The following LRRC4C variants were observed in gnomAD, a reference collection of about 807,000 sequenced individuals.
LRRC4C encodes the protein leucine-rich repeat-containing protein 4C.
A neutral mutation model predicts 33.6 loss-of-function variants in LRRC4C; 5 were observed. The observed-to-expected ratio is 0.15, with a 90% CI of 0.08 to 0.31. LRRC4C has a LOEUF of 0.31. Ranked by LOEUF, LRRC4C falls within the 10% of genes least tolerant of loss-of-function variation. The pLI is 1.00. For synonymous variants in LRRC4C, 329 were observed against 302.0 expected (o/e 1.09, Z -0.93); for missense variants, 560 against 796.7 (o/e 0.70, Z 3.58).
intron 3 of LRRC4C, among the ~76,000 whole-genome samples, chr11:40,521,415 T>C (rs909452702): frequency 1.3e-5 from 2 of 152,206 alleles, no homozygotes; most frequent in African/African-American, 4.8e-5. Context: ...TATAGTGCTA[T>C]GGATAGTTGC....
At chr11:41,022,485 G>T (rs1856054480) in intron 1 of LRRC4C, among the ~76,000 whole-genome samples, 1 of 151,738 alleles carries the variant, frequency 6.6e-6, no homozygotes, top group African/African-American at 2.4e-5. Flanking sequence ...GTCCATGATG[G>T]TTTACCTCAA....
intron 2 of LRRC4C, among the ~76,000 whole-genome samples, chr11:40,913,862 G>A (rs977234736): frequency 6.6e-6 from 1 of 151,832 alleles, no homozygotes; most frequent in Non-Finnish European, 1.5e-5. Context: ...ATGATAAAGG[G>A]GATATCACCA....
At chr11:41,408,215 T>C (rs577227283) in intron 1 of LRRC4C, among the ~76,000 whole-genome samples, 1 of 152,298 alleles carries the variant, frequency 6.6e-6, no homozygotes, top group Admixed American at 6.5e-5. Flanking sequence ...TCATAGTATT[T>C]GTTATTACAT....
intron 3 of LRRC4C, among the ~76,000 whole-genome samples, chr11:40,450,773 A>C (rs1223111966): frequency 6.6e-6 from 1 of 150,938 alleles, no homozygotes; most frequent in Non-Finnish European, 1.5e-5. Flanking sequence ...ATCCCTGAAA[A>C]TTAAAAAAAA....
At chr11:41,156,618 T>C in intron 1 of LRRC4C, among the ~76,000 whole-genome samples, 1 of 152,056 alleles carries the variant, frequency 6.6e-6, no homozygotes, top group South Asian at 2.1e-4. Flanking sequence ...AGAGCTTATA[T>C]TACAATGAAC....
chr11:40,368,412 AG>A (rs1948308360), intron 3 of LRRC4C, among the ~76,000 whole-genome samples: 1 of 152,140 alleles, frequency 6.6e-6, no homozygotes. Flanking sequence ...ATTTTCTCAT[AG>A]TACCATGAAC....
intron 2 of LRRC4C, among the ~76,000 whole-genome samples, chr11:40,928,070 T>TA (rs869284646): frequency 6.6e-6 from 1 of 152,038 alleles, no homozygotes; most frequent in Non-Finnish European, 1.5e-5. Flanking sequence ...TATTGTTTTT[T>TA]AAAAAACCCT....
chr11:41,015,981 G>A (rs1565303657), intron 1 of LRRC4C, among the ~76,000 whole-genome samples: 1 of 151,986 alleles, frequency 6.6e-6, no homozygotes. Flanking sequence ...GCTGCAGAGC[G>A]AGACTCCGAC....
intron 2 of LRRC4C, among the ~76,000 whole-genome samples, chr11:40,833,478 A>AT (rs1266641882): frequency 6.6e-6 from 1 of 152,080 alleles, no homozygotes; most frequent in Non-Finnish European, 1.5e-5. Flanking sequence ...TATCAATGAG[A>AT]TTTTTTTAAA....
chr11:40,462,106 C>T (rs904673020), intron 3 of LRRC4C, among the ~76,000 whole-genome samples: 2 of 151,946 alleles, frequency 1.3e-5, no homozygotes, highest in African/African-American at 4.8e-5. Flanking sequence ...TTGTAAATGG[C>T]CCCAAATGAA....
At chr11:40,438,845 T>TA (rs1951256079) in intron 3 of LRRC4C, among the ~76,000 whole-genome samples, 2 of 152,126 alleles carry the variant, frequency 1.3e-5, no homozygotes, top group African/African-American at 4.8e-5. Context: ...AAGTACTTTT[T>TA]ATCTGTATGC....
In LRRC4C at chr11:40,571,514, T is replaced by C. The variant is rs529905840; in HGVS notation, c.-270+76628A>G. On this transcript the variant is annotated intron_variant, in intron 3 of 6. Transcript: ENST00000528697. Reference sequence around the variant, plus strand: ...ACAAGATAAGGCTGGACAATTCAAGTGACTTATTCAAAGGAACCGTCTACA... The same window carrying C: ...ACAAGATAAGGCTGGACAATTCAAGCGACTTATTCAAAGGAACCGTCTACA... Among the ~76,000 whole-genome samples the C allele has an allele frequency of 3.2e-4, 48 of 152,218 alleles. 1 individual carries two copies. The highest frequency in any genetic ancestry group is 1.1e-3 in the African/African-American group (47 of 41,558).
At chr11:40,433,746 A>T (rs1319756293) in intron 3 of LRRC4C, among the ~76,000 whole-genome samples, 2 of 152,200 alleles carry the variant, frequency 1.3e-5, no homozygotes, top group African/African-American at 4.8e-5. Context: ...ATATATGTGT[A>T]AAAGGAAGTA....
intron 1 of LRRC4C, among the ~76,000 whole-genome samples, chr11:41,209,677 CT>C (rs1946742880): frequency 6.6e-6 from 1 of 151,366 alleles, no homozygotes; most frequent in African/African-American, 2.4e-5. Context: ...GAAAAAAAGA[CT>C]TTGGATTTGG....
At chr11:41,229,336 T>C (rs1187472177) in intron 1 of LRRC4C, among the ~76,000 whole-genome samples, 1 of 152,124 alleles carries the variant, frequency 6.6e-6, no homozygotes, top group East Asian at 1.9e-4. Flanking sequence ...ATTTGGATCT[T>C]AGACTTCTAG....
chr11:40,241,354 C>T (rs959337433), intron 5 of LRRC4C, among the ~76,000 whole-genome samples, 165 bp downstream of exon 5: 1 of 152,000 alleles, frequency 6.6e-6, no homozygotes, highest in Non-Finnish European at 1.5e-5. Context: ...TGCACTTCAG[C>T]CTTGGCAACA....
chr11:41,211,558 C>A (rs1305147116), intron 1 of LRRC4C, among the ~76,000 whole-genome samples: 5 of 152,098 alleles, frequency 3.3e-5, no homozygotes, highest in African/African-American at 1.2e-4. Flanking sequence ...CAATTCCCAC[C>A]TATGTGTGAG....
chr11:40,243,680 CTT>C (rs1375969879), intron 4 of LRRC4C, among the ~76,000 whole-genome samples: 1 of 145,058 alleles, frequency 6.9e-6, no homozygotes, highest in African/African-American at 2.5e-5. Context: ...ACGGAAAAAA[CTT>C]ATATCTTTTT....
intron 3 of LRRC4C, among the ~76,000 whole-genome samples, chr11:40,586,856 C>T (rs1010142490): frequency 6.6e-6 from 1 of 152,114 alleles, no homozygotes. Context: ...GTACCAGTAC[C>T]ATGCTGTTTT....
Sources: allele counts gnomAD v4.1 joint callset (sites outside exome capture counted in the v4.1 genomes callset), GRCh38; gene constraint gnomAD v4.1.1; transcripts MANE v1.5; gene names NCBI Gene and HGNC (gene_info 2026-07-23, HGNC 2026-07-21).